MTHFD2L: variants seen among roughly 807,000 people sequenced by gnomAD.
The protein encoded by MTHFD2L is bifunctional methylenetetrahydrofolate dehydrogenase/cyclohydrolase 2, mitochondrial.
Under a neutral mutation model 34.9 loss-of-function variants are expected in MTHFD2L, and 29 were observed. The observed-to-expected ratio is 0.83, with a 90% CI of 0.62 to 1.13. The LOEUF (loss-of-function observed/expected upper bound fraction) is 1.13. MTHFD2L is among the 50% of genes most tolerant of loss of function. The pLI is 0.00. For missense variants in MTHFD2L, 481 were observed against 446.5 expected (o/e 1.08, Z -0.70); for synonymous variants, 167 against 155.7 (o/e 1.07, Z -0.54).
intron 7 of MTHFD2L, among the ~76,000 whole-genome samples, chr4:74,283,389 G>A (rs1747742970): frequency 6.6e-6 from 1 of 152,064 alleles, no homozygotes; most frequent in Non-Finnish European, 1.5e-5. Flanking sequence ...CATGTCACAT[G>A]AAGTCTAACT....
At chr4:74,201,202 C>A in intron 4 of MTHFD2L, 61 bp from the exon 5 acceptor site, 1 of 1,280,824 alleles carries the variant, frequency 7.8e-7, no homozygotes, top group Non-Finnish European at 1.1e-6. Flanking sequence ...GTTGGCTGTA[C>A]AAATGTTTAA....
intron 6 of MTHFD2L, among the ~76,000 whole-genome samples, chr4:74,281,198 G>A (rs1250732811): frequency 1.3e-5 from 2 of 152,128 alleles, no homozygotes; most frequent in Non-Finnish European, 2.9e-5. Flanking sequence ...TCTCTGAAGT[G>A]AGAGGCTAGC....
At chr4:74,253,929 T>G (rs1203601656) in intron 6 of MTHFD2L, among the ~76,000 whole-genome samples, 2 of 152,116 alleles carry the variant, frequency 1.3e-5, no homozygotes, top group African/African-American at 2.4e-5. Context: ...GTCCCCATAG[T>G]GACAGGCACC....
chr4:74,207,678 G>A (rs1036400456), intron 5 of MTHFD2L, among the ~76,000 whole-genome samples: 2 of 151,860 alleles, frequency 1.3e-5, no homozygotes, highest in African/African-American at 4.8e-5. Context: ...TTCTTCAAGA[G>A]GCACCCTATC....
intron 1 of MTHFD2L, among the ~76,000 whole-genome samples, chr4:74,132,803 T>C (rs117259466): frequency 3.9e-5 from 6 of 152,314 alleles, no homozygotes; most frequent in Middle Eastern, 3.4e-3. Context: ...ATTTTTATTA[T>C]ATCAGTTCGC....
intron 5 of MTHFD2L, among the ~76,000 whole-genome samples, chr4:74,217,200 A>T (rs1737348693): frequency 6.6e-6 from 1 of 151,660 alleles, no homozygotes; most frequent in Admixed American, 6.6e-5. Flanking sequence ...TCCTCAAGTT[A>T]CTTACATAAT....
At chr4:74,192,775 T>C (rs1732779838) in intron 3 of MTHFD2L, among the ~76,000 whole-genome samples, 1 of 152,070 alleles carries the variant, frequency 6.6e-6, no homozygotes, top group South Asian at 2.1e-4. Flanking sequence ...TAAAATGTTA[T>C]TTATTAAAAA....
In MTHFD2L at chr4:74,212,402, C is replaced by G. The variant is rs138622671; in HGVS notation, c.712+11032C>G. The stretch of plus-strand genomic sequence containing the variant: ...GATTCTGTTACATTGTGTCTTTGTT[C>G]TCATTGGTTTCAAATAACTTATTTA... On this transcript the variant is annotated intron_variant, in intron 5 of 7. Transcript: ENST00000325278. Among the ~76,000 whole-genome samples, 131 of 152,202 alleles carry G rather than the reference C, an allele frequency of 8.6e-4. 2 individuals carry two copies. The East Asian group carries it at 0.023, about 27-fold the overall frequency.
chr4:74,235,574 C>T (rs1416005424), intron 6 of MTHFD2L, among the ~76,000 whole-genome samples: 1 of 151,986 alleles, frequency 6.6e-6, no homozygotes, highest in African/African-American at 2.4e-5. Context: ...TTTTGGAAGT[C>T]ATTAATATCA....
chr4:74,273,865 C>T (rs1746295992), intron 6 of MTHFD2L, among the ~76,000 whole-genome samples: 1 of 152,036 alleles, frequency 6.6e-6, no homozygotes, highest in Admixed American at 6.6e-5. Context: ...GCAGTTTTCA[C>T]AGATAGTAAA....
chr4:74,271,669 A>G (rs1293294284), intron 6 of MTHFD2L, among the ~76,000 whole-genome samples: 2 of 152,146 alleles, frequency 1.3e-5, no homozygotes, highest in East Asian at 3.9e-4. Context: ...TTTTGGTTCC[A>G]TATGAACTTT....
At chr4:74,253,259 A>C (rs1373139160) in intron 6 of MTHFD2L, among the ~76,000 whole-genome samples, 1 of 152,192 alleles carries the variant, frequency 6.6e-6, no homozygotes, top group Non-Finnish European at 1.5e-5. Context: ...ATATATGTTC[A>C]TCTGAGTGCT....
chr4:74,119,888 G>T (rs937427791), upstream of MTHFD2L, among the ~76,000 whole-genome samples: 12 of 152,124 alleles, frequency 7.9e-5, no homozygotes, highest in Non-Finnish European at 1.5e-4. Flanking sequence ...ATATGTGGTG[G>T]TTGGCTATGC....
intron 6 of MTHFD2L, among the ~76,000 whole-genome samples, chr4:74,238,591 A>G (rs951277225): frequency 6.6e-6 from 1 of 152,220 alleles, no homozygotes; most frequent in Non-Finnish European, 1.5e-5. Flanking sequence ...CAATCTACCC[A>G]TCTGACAAAG....
intron 1 of MTHFD2L, among the ~76,000 whole-genome samples, chr4:74,138,590 A>G (rs1723094225): frequency 6.6e-6 from 1 of 152,134 alleles, no homozygotes; most frequent in Non-Finnish European, 1.5e-5. Context: ...CCCGATCCAG[A>G]GCGGCAATGG....
intron 6 of MTHFD2L, among the ~76,000 whole-genome samples, chr4:74,255,268 A>G (rs1490269045): frequency 6.6e-6 from 1 of 152,096 alleles, no homozygotes; most frequent in African/African-American, 2.4e-5. Context: ...TATATAGCTA[A>G]AGTTAAGCTG....
At chr4:74,178,357 A>C (rs1729453338) in intron 3 of MTHFD2L, among the ~76,000 whole-genome samples, 1 of 152,136 alleles carries the variant, frequency 6.6e-6, no homozygotes, top group South Asian at 2.1e-4. Context: ...AAAAGTATTA[A>C]AATAGTCATA....
At chr4:74,265,997 TAG>T (rs1351539384) in intron 6 of MTHFD2L, among the ~76,000 whole-genome samples, 1 of 152,218 alleles carries the variant, frequency 6.6e-6, no homozygotes, top group African/African-American at 2.4e-5. Context: ...ATTTATGTGT[TAG>T]ATTCTGATAT....
chr4:74,227,797 T>C, intron 6 of MTHFD2L, among the ~76,000 whole-genome samples: 1 of 152,106 alleles, frequency 6.6e-6, no homozygotes, highest in East Asian at 1.9e-4. Flanking sequence ...TAAAAACATA[T>C]CAGACCTCAT....
Sources: allele counts gnomAD v4.1 joint callset (sites outside exome capture counted in the v4.1 genomes callset), GRCh38; gene constraint gnomAD v4.1.1; transcripts MANE v1.5; gene names NCBI Gene and HGNC (gene_info 2026-07-23, HGNC 2026-07-21).